Variants in DNAH3 observed in about 807,000 individuals in gnomAD.
DNAH3 encodes dynein axonemal heavy chain 3, also known as axonemal beta dynein heavy chain 3.
DNAH3 carries 332 observed loss-of-function variants against 432.5 expected under a neutral mutation model. That is an observed-to-expected ratio of 0.77 (90% CI 0.70 to 0.84). The LOEUF (loss-of-function observed/expected upper bound fraction) is 0.84, where lower values mean the gene tolerates loss of function less well. DNAH3 is among the 40% of genes least tolerant of loss of function. The pLI, the probability that DNAH3 is intolerant of heterozygous loss-of-function variation, is 0.00. For missense variants in DNAH3, 4,861 were observed against 5,114.0 expected (o/e 0.95, Z 1.51); for synonymous variants, 1,956 against 1,900.2 (o/e 1.03, Z -0.76).
At chr16:20,970,140 A>G (rs546445348) in intron 51 of DNAH3, 150 bp from the exon 52 acceptor site, 4 of 747,640 alleles carry the variant, frequency 5.4e-6, no homozygotes, top group East Asian at 2.7e-5. Flanking sequence ...GGAGCTGGAC[A>G]ATGGCTCTGA....
chr16:21,097,370 C>T (rs773076789), exon 18 of DNAH3: 1 of 1,613,896 alleles, frequency 6.2e-7, no homozygotes, highest in Non-Finnish European at 8.5e-7. Context: ...ATCCATTCCT[C>T]TGACTTGATG....
chr16:21,039,460 T>A (rs568147899), intron 33 of DNAH3, among the ~76,000 whole-genome samples: 1 of 151,986 alleles, frequency 6.6e-6, no homozygotes, highest in Non-Finnish European at 1.5e-5. Context: ...CCTTAAGTGA[T>A]ACCCCGCCTT....
intron 5 of DNAH3, among the ~76,000 whole-genome samples, chr16:21,138,042 G>GT (rs2092667605): frequency 6.6e-6 from 1 of 151,978 alleles, no homozygotes; most frequent in Admixed American, 6.6e-5. Context: ...GAAGTCAGGA[G>GT]TTTGAGACCA....
chr16:21,026,958 A>C, intron 38 of DNAH3, 69 bp downstream of exon 38: 2 of 1,069,220 alleles, frequency 1.9e-6, no homozygotes, highest in Non-Finnish European at 2.8e-6. Context: ...GAAATTTGAG[A>C]GCTTTCTCTT....
exon 11 of DNAH3, chr16:21,120,758 C>A (rs748767432): frequency 6.2e-7 from 1 of 1,613,682 alleles, no homozygotes. Flanking sequence ...GCAGTGGCAG[C>A]CGCGTGCATG....
intron 58 of DNAH3, among the ~76,000 whole-genome samples, chr16:20,943,755 C>T (rs966347426): frequency 6.6e-6 from 1 of 152,098 alleles, no homozygotes; most frequent in African/African-American, 2.4e-5. Context: ...CCAACGCAAG[C>T]AGATTGCTTG....
rs373136500 is a variant in DNAH3 at position 20,965,282 on chromosome 16, C to G, written c.8602G>C (p.Glu2868Gln). ...TTTTTAATGACAGCTGGCTGGAATT[C>G]CGGGTGATTGATAAACCTTTCCCGG... is the stretch of plus-strand genomic sequence containing the variant. Residue 2868 changes from glutamate (E) to glutamine (Q), a missense_variant, in exon 53 of 62, where the codon GAA becomes CAA. Physicochemically the swap from Glu to Gln is conservative, Grantham distance 29 (BLOSUM62 2). Transcript: ENST00000261383. 2.5e-6 allele frequency: 4 copies of G among 1,613,528 alleles called. No individual in the cohort carries two copies. The highest frequency in any genetic ancestry group is 3.4e-6 in the Non-Finnish European group (4 of 1,179,654).
intron 38 of DNAH3, among the ~76,000 whole-genome samples, chr16:21,026,700 C>CA (rs35667454): frequency 0.2 from 9,299 of 47,174 alleles, 1,196 homozygotes; most frequent in African/African-American, 0.34. Context: ...TACTCCGTCT[C>CA]AAAAAAAAAA....
exon 25 of DNAH3, chr16:21,062,653 C>T: frequency 6.2e-7 from 1 of 1,613,868 alleles, no homozygotes; most frequent in Non-Finnish European, 8.5e-7. Context: ...ACAAGATTTC[C>T]AGCAGCTCAT....
intron 16 of DNAH3, among the ~76,000 whole-genome samples, chr16:21,102,244 CT>C (rs2091855527): frequency 6.6e-6 from 1 of 152,184 alleles, no homozygotes; most frequent in African/African-American, 2.4e-5. Flanking sequence ...AGAGTCACCC[CT>C]CAGAAGGAGA....
At chr16:20,947,880 A>G (rs2084121487) in intron 57 of DNAH3, among the ~76,000 whole-genome samples, 1 of 152,058 alleles carries the variant, frequency 6.6e-6, no homozygotes, top group Non-Finnish European at 1.5e-5. Flanking sequence ...AGTTCAAGCA[A>G]TTCCCCTGCC....
chr16:21,153,704 A>C (rs2092878616), intron 1 of DNAH3, among the ~76,000 whole-genome samples: 3 of 152,086 alleles, frequency 2.0e-5, no homozygotes, highest in Non-Finnish European at 2.9e-5. Flanking sequence ...GAAACTCCGA[A>C]CACATCCGAG....
In DNAH3 at chr16:20,985,169, C is replaced by T; in HGVS notation, c.7573G>A (p.Asp2525Asn). ...GCAGTCTGCATCTTCTCCACGATGT[C>T]AGCCTTCTCGTCAGCAGGGAAGATG... Residue 2525 changes from aspartate to asparagine, a missense_variant, in exon 48 of 62, where the codon GAC becomes AAC. Asp to Asn is a conservative substitution (Grantham distance 23). Transcript: ENST00000261383. 1 of 1,614,200 alleles carries T rather than the reference C, an allele frequency of 6.2e-7. No individual in the cohort carries two copies.
At chr16:20,995,225 C>T (rs1383837996) in intron 44 of DNAH3, among the ~76,000 whole-genome samples, 10 of 152,116 alleles carry the variant, frequency 6.6e-5, no homozygotes, top group South Asian at 6.2e-4. Context: ...GGATTACAGC[C>T]GTGAGCCAGA....
intron 43 of DNAH3, 91 bp downstream of exon 43, chr16:21,000,133 A>G (rs2086946644): frequency 7.5e-7 from 1 of 1,326,384 alleles, no homozygotes; most frequent in South Asian, 1.4e-5. Context: ...GAGTAAAGGT[A>G]TGTACAGTGG....
chr16:21,087,344 T>C (rs1429247434), intron 18 of DNAH3, among the ~76,000 whole-genome samples: 2 of 152,224 alleles, frequency 1.3e-5, no homozygotes, highest in African/African-American at 4.8e-5. Context: ...ACATAATGCC[T>C]GGCATATAAT....
exon 53 of DNAH3, chr16:20,964,348 G>A (rs373191956): frequency 6.2e-7 from 1 of 1,613,980 alleles, no homozygotes; most frequent in African/African-American, 1.3e-5. Context: ...GAGGTAATGT[G>A]GATTCCTCAA....
At chr16:21,007,622 G>T (rs545770834) in intron 41 of DNAH3, among the ~76,000 whole-genome samples, 68 of 152,102 alleles carry the variant, frequency 4.5e-4, no homozygotes, top group African/African-American at 1.6e-3. Flanking sequence ...CCCTTATAAG[G>T]TACATAATTT....
At chr16:21,040,379 T>TC in intron 32 of DNAH3, among the ~76,000 whole-genome samples, 1 of 142,788 alleles carries the variant, frequency 7.0e-6, no homozygotes, top group Admixed American at 7.0e-5. Flanking sequence ...TTTTTTTTTT[T>TC]TTTTTTTAAG....
Sources: gnomAD v4.1 joint callset for allele counts (sites outside exome capture counted in the v4.1 genomes callset) on GRCh38, gnomAD v4.1.1 for gene constraint, MANE v1.5 for transcripts, NCBI Gene and HGNC (gene_info 2026-07-23, HGNC 2026-07-21) for gene names.